Variants in PRIM2 observed in about 807,000 individuals in gnomAD.
PRIM2 encodes the protein DNA primase large subunit.
PRIM2 carries 39 observed loss-of-function variants against 67.3 expected under a neutral mutation model. The ratio of observed to expected loss-of-function variants is 0.58; its 90% CI spans 0.45 to 0.76. The LOEUF is 0.76. Among genes scored for constraint, PRIM2 ranks in the 30% least tolerant of loss-of-function variants. PRIM2 has a pLI of 0.00. For synonymous variants in PRIM2, 143 were observed against 198.7 expected (o/e 0.72, Z 2.36); for missense variants, 398 against 598.7 (o/e 0.66, Z 3.50).
chr6:57,449,739 G>A (rs1406625653), intron 7 of PRIM2, among the ~76,000 whole-genome samples: 181 of 152,214 alleles, frequency 1.2e-3, no homozygotes, highest in African/African-American at 3.3e-3. Context: ...TGAAAGCAAT[G>A]TCTTTTTTAT....
intron 7 of PRIM2, among the ~76,000 whole-genome samples, chr6:57,399,454 G>T (rs1321334791): frequency 3.3e-5 from 5 of 152,144 alleles, no homozygotes; most frequent in African/African-American, 4.8e-5. Flanking sequence ...TGGACATTTG[G>T]GTTGGTTCCA....
At chr6:57,471,288 G>A (rs1302922430) in intron 7 of PRIM2, among the ~76,000 whole-genome samples, 2 of 152,110 alleles carry the variant, frequency 1.3e-5, no homozygotes, top group African/African-American at 4.8e-5. Context: ...GAGAGCCAAG[G>A]GGAGGGAGTT....
At chr6:57,352,465 TC>T (rs1425007591) in intron 5 of PRIM2, among the ~76,000 whole-genome samples, 4 of 152,120 alleles carry the variant, frequency 2.6e-5, no homozygotes, top group African/African-American at 9.7e-5. Context: ...GGTCTCAAAC[TC>T]CTGAGCTCGT....
intron 13 of PRIM2, among the ~76,000 whole-genome samples, chr6:57,644,680 A>G (rs1284688286): frequency 6.6e-6 from 1 of 152,244 alleles, no homozygotes; most frequent in Non-Finnish European, 1.5e-5. Flanking sequence ...CAGTACGAAG[A>G]GTGAGACGTA....
intron 7 of PRIM2, among the ~76,000 whole-genome samples, chr6:57,397,319 T>A (rs1171682590): frequency 6.6e-6 from 1 of 152,204 alleles, no homozygotes; most frequent in African/African-American, 2.4e-5. Context: ...TTAGGTTTGC[T>A]TGTTTAACAT....
At chr6:57,553,624 T>A (rs2127475685) in intron 10 of PRIM2, among the ~76,000 whole-genome samples, 1 of 151,974 alleles carries the variant, frequency 6.6e-6, no homozygotes, top group Non-Finnish European at 1.5e-5. Flanking sequence ...TCGTTGCCCT[T>A]CTTGTTTCCT....
At chr6:57,536,831 G>T (rs1289930227) in intron 9 of PRIM2, among the ~76,000 whole-genome samples, 1 of 152,294 alleles carries the variant, frequency 6.6e-6, no homozygotes, top group Non-Finnish European at 1.5e-5. Flanking sequence ...GCTGAGGGAG[G>T]GGAGCAGGGT....
intron 5 of PRIM2, among the ~76,000 whole-genome samples, chr6:57,356,645 T>G (rs1769039665): frequency 6.6e-6 from 1 of 152,210 alleles, no homozygotes. Context: ...TGTAAATTGT[T>G]GCTAAACTGA....
chr6:57,388,409 A>T (rs3940309), intron 7 of PRIM2, among the ~76,000 whole-genome samples: 3 of 152,218 alleles, frequency 2.0e-5, no homozygotes, highest in Non-Finnish European at 4.4e-5. Flanking sequence ...TTTTAAAGTA[A>T]TATTGACATG....
At chr6:57,527,578 C>T (rs1774786449) in intron 8 of PRIM2, among the ~76,000 whole-genome samples, 1 of 152,226 alleles carries the variant, frequency 6.6e-6, no homozygotes, top group Non-Finnish European at 1.5e-5. Flanking sequence ...TATTTCCCCA[C>T]ACTGCTTTGT....
At chr6:57,455,515 G>C (rs1345650326) in intron 7 of PRIM2, among the ~76,000 whole-genome samples, 1 of 152,160 alleles carries the variant, frequency 6.6e-6, no homozygotes, top group Non-Finnish European at 1.5e-5. Flanking sequence ...TCTTCTTGTT[G>C]AATTGATCCC....
intron 13 of PRIM2, among the ~76,000 whole-genome samples, chr6:57,634,285 G>T (rs1777083425): frequency 6.6e-6 from 1 of 152,170 alleles, no homozygotes; most frequent in African/African-American, 2.4e-5. Flanking sequence ...TTGATTAATG[G>T]AAGATCTGGA....
At chr6:57,258,526 C>A in the PRIM2 span, among the ~76,000 whole-genome samples, 1 of 152,304 alleles carries the variant, frequency 6.6e-6, no homozygotes, top group African/African-American at 2.4e-5. Context: ...AGTGAAAATT[C>A]TCCACCTACA....
intron 5 of PRIM2, among the ~76,000 whole-genome samples, chr6:57,352,705 A>G (rs1768896998): frequency 6.7e-6 from 1 of 149,572 alleles, no homozygotes; most frequent in East Asian, 2.0e-4. Context: ...CAAGGAACCC[A>G]GTTGTATCTG....
chr6:57,345,934 TG>T (rs1768661366), intron 5 of PRIM2, among the ~76,000 whole-genome samples: 5 of 152,332 alleles, frequency 3.3e-5, no homozygotes, highest in Admixed American at 1.3e-4. Flanking sequence ...CCATGGCATT[TG>T]TAAACTGTAC....
At chr6:57,570,781 A>C (rs1228217454) in intron 10 of PRIM2, among the ~76,000 whole-genome samples, 1 of 152,202 alleles carries the variant, frequency 6.6e-6, no homozygotes, top group Non-Finnish European at 1.5e-5. Context: ...TGAATTTTGC[A>C]GTCACTATTT....
intron 5 of PRIM2, among the ~76,000 whole-genome samples, chr6:57,376,546 A>G (rs1369801299): frequency 3.3e-5 from 5 of 151,760 alleles, no homozygotes; most frequent in Non-Finnish European, 5.9e-5. Context: ...TTGCATGTTC[A>G]TGTACATTTT....
intron 7 of PRIM2, among the ~76,000 whole-genome samples, chr6:57,440,484 A>T (rs1772169820): frequency 6.6e-6 from 1 of 152,164 alleles, no homozygotes; most frequent in Non-Finnish European, 1.5e-5. Flanking sequence ...ATTAGAAGTT[A>T]ATACCTGGTT....
intron 5 of PRIM2, among the ~76,000 whole-genome samples, chr6:57,356,408 T>C (rs891244510): frequency 6.6e-6 from 1 of 152,198 alleles, no homozygotes; most frequent in African/African-American, 2.4e-5. Flanking sequence ...CTAGCTTTTG[T>C]ATGAGATTTG....
Sources: allele counts gnomAD v4.1 joint callset (sites outside exome capture counted in the v4.1 genomes callset), GRCh38; gene constraint gnomAD v4.1.1; transcripts MANE v1.5; gene names NCBI Gene and HGNC (gene_info 2026-07-23, HGNC 2026-07-21).